Variants in DSC2 observed in about 807,000 individuals in gnomAD.
The protein encoded by DSC2 is desmocollin 2.
A neutral mutation model predicts 87.6 loss-of-function variants in DSC2; 51 were observed. The observed-to-expected ratio is 0.58, with a 90% CI of 0.46 to 0.74. The LOEUF is 0.74. DSC2 is among the 30% of genes least tolerant of loss of function. The pLI, the probability that DSC2 is intolerant of heterozygous loss-of-function variation, is 0.00. For missense variants in DSC2, 1,066 were observed against 1,089.5 expected (o/e 0.98, Z 0.30); for synonymous variants, 383 against 393.2 (o/e 0.97, Z 0.31).
In DSC2 at chr18:31,068,159, G is replaced by A. The variant is rs1207984278; in HGVS notation, c.2562C>T (p.Val854=). 2.5e-6 allele frequency: 4 copies of A among 1,614,018 alleles called. No individual in the cohort carries two copies. The highest frequency in any genetic ancestry group is 3.4e-6 in the Non-Finnish European group (4 of 1,179,984). ...CTCTTCCTTCATAGTTATATGTCAG[G>A]ACATAGTCTTGGGCATGCTTGTGAT... ...DENHKHAQDY[V]LTYNYEGRGS... The change falls in exon 16 of 16, where the codon GTC becomes GTT. Residue 854 remains valine (V), a synonymous_variant. Coordinates refer to ENST00000280904, the MANE Select transcript of DSC2 (RefSeq NM_024422.6).
At chr18:31,069,247 G>A in intron 14 of DSC2, 96 bp from the exon 15 acceptor site, 1 of 1,486,504 alleles carries the variant, frequency 6.7e-7, no homozygotes. Context: ...TTTTTTGTGT[G>A]TATGCTAGAA....
At chr18:31,087,634 T>G (rs1436422336) in intron 6 of DSC2, 35 bp downstream of exon 6, 1 of 1,601,232 alleles carries the variant, frequency 6.2e-7, no homozygotes. Flanking sequence ...TGAAACACAG[T>G]TAATTTGCCA....
At chr18:31,080,921 A>G (rs555079711) in intron 9 of DSC2, among the ~76,000 whole-genome samples, 11 of 152,274 alleles carry the variant, frequency 7.2e-5, no homozygotes, top group African/African-American at 2.6e-4. Context: ...CTGATTCAGT[A>G]CTTGGGTAAA....
intron 2 of DSC2, among the ~76,000 whole-genome samples, chr18:31,092,801 A>G (rs1285414065): frequency 6.6e-6 from 1 of 152,214 alleles, no homozygotes; most frequent in Non-Finnish European, 1.5e-5. Context: ...AATACAATAC[A>G]GAGTGAAATA....
rs182451795 is a variant in DSC2, at chr18:31,086,241, G to A, written c.942+335C>T. Among the ~76,000 whole-genome samples the A allele has an allele frequency of 3.2e-4, 48 of 152,268 alleles. No individual in the cohort carries two copies. The East Asian group carries it at 9.1e-3, about 29-fold the overall frequency. On this transcript the variant is annotated intron_variant, in intron 7 of 15. Transcript: ENST00000280904. ...ATAAACTGTCTTTTCATCTATGTAA[G>A]AGGTAGAATGTAGATGAGATTGTTG...
At chr18:31,098,746 G>A (rs1347538616) in intron 1 of DSC2, among the ~76,000 whole-genome samples, 1 of 152,136 alleles carries the variant, frequency 6.6e-6, no homozygotes, top group Admixed American at 6.5e-5. Context: ...ATGAGCCACT[G>A]CACCTGGCCT....
chr18:31,090,991 C>T, intron 4 of DSC2, 37 bp downstream of exon 4: 1 of 1,613,620 alleles, frequency 6.2e-7, no homozygotes, highest in Non-Finnish European at 8.5e-7. Context: ...GAGATGGAAA[C>T]TATAGACTCC....
chr18:31,074,589 C>T, intron 12 of DSC2, 94 bp downstream of exon 12: 2 of 1,166,354 alleles, frequency 1.7e-6, no homozygotes, highest in Non-Finnish European at 2.5e-6. Context: ...GTGTTTCCCA[C>T]ATGGTGAATT....
rs1288678187 is a variant in DSC2 at position 31,063,835 on chromosome 18, C to A, written c.*4180G>T. ...TACCATGGGTTTATCAGGATGTAAC[C>A]CCATCATAAGTCAAGAAGCATCTGT... On this transcript the variant is annotated 3_prime_UTR_variant, in exon 16 of 16. Coordinates refer to ENST00000280904, the MANE Select transcript of DSC2 (RefSeq NM_024422.6). 1.3e-5 allele frequency: 2 copies of A among 151,912 alleles called. No homozygotes were observed. The highest frequency in any genetic ancestry group is 6.6e-5 in the Admixed American group (1 of 15,228). The allele number at this position is 151,912 out of a possible 1,614,324, so 9.4% of individuals were successfully genotyped here.
chr18:31,071,408 A>G (rs1460933765), intron 13 of DSC2, among the ~76,000 whole-genome samples, 197 bp downstream of exon 13: 1 of 152,006 alleles, frequency 6.6e-6, no homozygotes, highest in Non-Finnish European at 1.5e-5. Context: ...TTAGCTGGGC[A>G]TTGTGGCGCA....
At chr18:31,081,383 C>T (rs1398605594) in intron 9 of DSC2, among the ~76,000 whole-genome samples, 1 of 152,000 alleles carries the variant, frequency 6.6e-6, no homozygotes, top group Non-Finnish European at 1.5e-5. Flanking sequence ...CCCTAGAAGA[C>T]AGAAATTTTT....
intron 7 of DSC2, among the ~76,000 whole-genome samples, chr18:31,084,107 A>G (rs1197499522): frequency 6.6e-6 from 1 of 152,116 alleles, no homozygotes; most frequent in Non-Finnish European, 1.5e-5. Context: ...TAGAATGTTC[A>G]CCCTTCTCTT....
intron 7 of DSC2, among the ~76,000 whole-genome samples, chr18:31,085,423 T>G (rs1987363929): frequency 6.6e-6 from 1 of 151,760 alleles, no homozygotes; most frequent in South Asian, 2.1e-4. Context: ...TACTGTTATT[T>G]TATAAGAATT....
chr18:31,089,365 C>T (rs764960112), intron 5 of DSC2, 74 bp downstream of exon 5: 56 of 1,562,926 alleles, frequency 3.6e-5, no homozygotes, highest in Non-Finnish European at 4.6e-5. Flanking sequence ...GAAAAGGTTA[C>T]GTGAATTGCA....
Position 31,065,753 on chromosome 18 carries a change from T to A in DSC2, c.*2262A>T, listed in dbSNP as rs1002571970. 2 of 152,188 alleles carry A rather than the reference T, an allele frequency of 1.3e-5. No homozygotes were observed. The highest frequency in any genetic ancestry group is 4.8e-5 in the African/African-American group (2 of 41,450). 9.4% of individuals were successfully genotyped at this position (152,188 alleles called of 1,614,324 possible). ...TAAGAAGCAGATGTTCTGCTTTTCA[T>A]CCAATTTGAACCTTACAGTTTCACA... On this transcript the variant is annotated 3_prime_UTR_variant, in exon 16 of 16. Coordinates refer to ENST00000280904, the MANE Select transcript of DSC2 (RefSeq NM_024422.6).
intron 1 of DSC2, among the ~76,000 whole-genome samples, chr18:31,094,967 C>T (rs923623500): frequency 5.9e-5 from 9 of 152,206 alleles, no homozygotes; most frequent in Non-Finnish European, 1.2e-4. Context: ...AGGTGCTAAA[C>T]GGATTCAATG....
In DSC2 at chr18:31,067,060, T is replaced by A. The variant is rs1986644765; in HGVS notation, c.*955A>T. The A allele has an allele frequency of 1.3e-5, 2 of 152,184 alleles. No homozygotes were observed. Among genetic ancestry groups the A allele is most frequent in the South Asian group, 4.1e-4 (2 of 4,828 alleles). 9.4% of individuals were successfully genotyped at this position (152,184 alleles called of 1,614,324 possible). A position where few individuals can be genotyped will look rare whatever the true frequency, so the allele number is the denominator to read the frequency against. On this transcript the variant is annotated 3_prime_UTR_variant, in exon 16 of 16. Coordinates refer to ENST00000280904, the MANE Select transcript of DSC2 (RefSeq NM_024422.6). Reference sequence around the variant, plus strand: ...TTTCAATGGCAAAATTAAAGGTTTTTTTTGTTGAAGAGATAATGAAGCAAT... The same window carrying A: ...TTTCAATGGCAAAATTAAAGGTTTTATTTGTTGAAGAGATAATGAAGCAAT...
At chr18:31,101,680 C>A (rs1987962878) in intron 1 of DSC2, 1 of 558,574 alleles carries the variant, frequency 1.8e-6, no homozygotes, top group Non-Finnish European at 3.1e-6. Flanking sequence ...CTGATTACAT[C>A]TACCGGAGAC....
chr18:31,068,366 GA>G, intron 15 of DSC2, 154 bp from the exon 16 acceptor site: 1 of 1,609,696 alleles, frequency 6.2e-7, no homozygotes, highest in Non-Finnish European at 8.5e-7. Flanking sequence ...AAATGCACAT[GA>G]TTGGTCTGTT....
Sources: gnomAD v4.1 joint callset for allele counts (sites outside exome capture counted in the v4.1 genomes callset) on GRCh38, gnomAD v4.1.1 for gene constraint, MANE v1.5 for transcripts, NCBI Gene and HGNC (gene_info 2026-07-23, HGNC 2026-07-21) for gene names.